The following KLHL4 variants were observed in gnomAD, a reference collection of about 807,000 sequenced individuals.
KLHL4 encodes kelch-like protein 4.
KLHL4 carries 17 observed loss-of-function variants against 45.8 expected under a neutral mutation model. The observed-to-expected ratio is 0.37, with a 90% confidence interval of 0.25 to 0.56. The LOEUF (loss-of-function observed/expected upper bound fraction) is 0.56. KLHL4 is among the 20% of genes least tolerant of loss of function. KLHL4 has a pLI of 0.79. For synonymous variants in KLHL4, 224 were observed against 189.9 expected (o/e 1.18, Z -1.47); for missense variants, 544 against 544.9 (o/e 1.00, Z 0.02).
chrX:87,619,458 C>T (rs1922675287), intron 4 of KLHL4, among the ~76,000 whole-genome samples: 2 of 111,599 alleles, frequency 1.8e-5, no homozygotes, highest in Non-Finnish European at 3.8e-5. Flanking sequence ...AATGGATTGA[C>T]ATTTTAAAAT....
At chrX:87,604,724 T>C (rs1308537349) in intron 1 of KLHL4, among the ~76,000 whole-genome samples, 1 of 111,470 alleles carries the variant, frequency 9.0e-6, no homozygotes, top group East Asian at 2.8e-4. Flanking sequence ...CATTATCTTT[T>C]CATTTTGTTA....
chrX:87,533,207 T>C (rs1226818934), intron 1 of KLHL4, among the ~76,000 whole-genome samples: 4 of 109,745 alleles, frequency 3.6e-5, no homozygotes, highest in Non-Finnish European at 7.6e-5. Flanking sequence ...TTACTGGGTA[T>C]ATACCCGAAG....
chrX:87,663,895 A>G lies in KLHL4; in HGVS notation c.1926-869A>G, dbSNP rs770874689. Among the ~76,000 whole-genome samples the G allele has an allele frequency of 3.6e-5, 4 of 112,037 alleles. No individual in the cohort carries two copies. In the South Asian group the frequency reaches 1.5e-3, roughly 41 times the overall value. ...GATACAAACAGTGGTCAGAGGGGGT[A>G]ATACAAATATATCAGTGGAAAGTGA... On this transcript the variant is annotated intron_variant, in intron 9 of 10. Coordinates refer to ENST00000373119, the MANE Select transcript of KLHL4 (RefSeq NM_019117.5).
At chrX:87,541,857 G>A (rs1442745662) in intron 1 of KLHL4, among the ~76,000 whole-genome samples, 2 of 111,458 alleles carry the variant, frequency 1.8e-5, no homozygotes, top group Admixed American at 1.9e-4. Context: ...GGAAGGTTTG[G>A]AACTTCCTAG....
At chrX:87,601,079 T>A (rs1228436622) in intron 1 of KLHL4, among the ~76,000 whole-genome samples, 1 of 111,746 alleles carries the variant, frequency 8.9e-6, no homozygotes, top group Non-Finnish European at 1.9e-5. Context: ...TCCATACAGG[T>A]CTACAGCAAC....
intron 1 of KLHL4, 128 bp downstream of exon 1, chrX:87,518,443 T>G: frequency 1.7e-6 from 1 of 575,637 alleles, no homozygotes; most frequent in Non-Finnish European, 2.7e-6. Context: ...AATCAGAGTC[T>G]CTCAGAAACC....
At chrX:87,655,125 C>T (rs1038841069) in intron 9 of KLHL4, among the ~76,000 whole-genome samples, 1 of 111,622 alleles carries the variant, frequency 9.0e-6, no homozygotes, top group African/African-American at 3.3e-5. Context: ...TCGATTCTTT[C>T]CATGGCCATG....
chrX:87,664,998 T>C, intron 10 of KLHL4, 63 bp downstream of exon 10: 1 of 761,942 alleles, frequency 1.3e-6, no homozygotes, highest in Non-Finnish European at 1.9e-6. Context: ...TATTAAATTA[T>C]ATTTTTGAAA....
chrX:87,588,927 A>C (rs753371656), intron 1 of KLHL4, among the ~76,000 whole-genome samples: 11 of 111,843 alleles, frequency 9.8e-5, no homozygotes, highest in African/African-American at 1.3e-4. Flanking sequence ...ACAGAATGGG[A>C]GAGAATATTT....
At chrX:87,542,701 C>G (rs1321048697) in intron 1 of KLHL4, among the ~76,000 whole-genome samples, 5 of 111,890 alleles carry the variant, frequency 4.5e-5, no homozygotes, top group Non-Finnish European at 7.5e-5. Context: ...AAGTAAATAA[C>G]TTGCTTTTGA....
At chrX:87,620,578 C>T (rs755127196) in intron 4 of KLHL4, among the ~76,000 whole-genome samples, 5 of 111,922 alleles carry the variant, frequency 4.5e-5, no homozygotes, top group Admixed American at 3.8e-4. Context: ...AATATTAATG[C>T]AGTTTCAGAG....
chrX:87,564,822 G>A (rs1378466978), intron 1 of KLHL4, among the ~76,000 whole-genome samples: 1 of 111,569 alleles, frequency 9.0e-6, no homozygotes, highest in Admixed American at 9.5e-5. Flanking sequence ...AAGACCAAAT[G>A]GACATACATA....
chrX:87,601,045 C>A (rs2147805746), intron 1 of KLHL4, among the ~76,000 whole-genome samples: 1 of 111,435 alleles, frequency 9.0e-6, no homozygotes, highest in Admixed American at 9.6e-5. Flanking sequence ...AGTCGCAGCA[C>A]CGAAGTATGT....
At chrX:87,565,078 C>G (rs1284290704) in intron 1 of KLHL4, among the ~76,000 whole-genome samples, 3 of 111,668 alleles carry the variant, frequency 2.7e-5, no homozygotes, top group Admixed American at 1.9e-4. Flanking sequence ...AATGGGTGAA[C>G]AAAGAAACCA....
rs932596986 is a variant in KLHL4 at position 87,668,125 on chromosome X, A to G, written c.*1591A>G. Reference sequence around the variant, plus strand: ...CAGTTCTAGAGGTGAAGATAGAGACATAGAGAGGCTGTGAAACACACATAC... The same window carrying G: ...CAGTTCTAGAGGTGAAGATAGAGACGTAGAGAGGCTGTGAAACACACATAC... On this transcript the variant is annotated 3_prime_UTR_variant, in exon 11 of 11. Transcript: ENST00000373119. 1.3e-6 allele frequency: 1 copy of G among 751,091 alleles called. No homozygotes were observed. The highest frequency in any genetic ancestry group is 2.3e-5 in the African/African-American group (1 of 43,326). The allele number at this position is 751,091 out of a possible 1,213,427, so 61.9% of individuals were successfully genotyped here.
chrX:87,639,025 A>G lies in KLHL4; in HGVS notation c.1925+3250A>G, dbSNP rs1317617787. 3.6e-5 allele frequency among the ~76,000 whole-genome samples: 4 copies of G among 111,684 alleles called. No individual in the cohort carries two copies. In the East Asian group the frequency reaches 1.1e-3, roughly 31 times the overall value. ...AAGATAGTCCGTGAAAATGGACACA[A>G]AAAAATGAGCAGGAATAGCTATTCT... is the stretch of plus-strand genomic sequence containing the variant. On this transcript the variant is annotated intron_variant, in intron 9 of 10. Coordinates refer to ENST00000373119, the MANE Select transcript of KLHL4 (RefSeq NM_019117.5).
chrX:87,560,706 T>A (rs1318178954), intron 1 of KLHL4, among the ~76,000 whole-genome samples: 1 of 111,883 alleles, frequency 8.9e-6, no homozygotes, highest in Non-Finnish European at 1.9e-5. Flanking sequence ...ATGTAGCATA[T>A]CTTGCTGTGA....
intron 1 of KLHL4, among the ~76,000 whole-genome samples, chrX:87,581,940 A>G (rs1329765028): frequency 8.9e-6 from 1 of 112,145 alleles, no homozygotes; most frequent in Non-Finnish European, 1.9e-5. Context: ...TTGTAACTCA[A>G]TGCAAAGAAG....
At position 87,530,304 on chromosome X, in the gene KLHL4, T is replaced by C. The variant is rs186922829; in HGVS notation, c.422+11989T>C. Among the ~76,000 whole-genome samples the C allele has an allele frequency of 4.5e-4, 49 of 108,418 alleles. 1 individual carries two copies. In the East Asian group the frequency reaches 0.013, roughly 28 times the overall value. 94.1% of individuals were successfully genotyped at this position (108,418 alleles called of 115,157 possible). On this transcript the variant is annotated intron_variant, in intron 1 of 10. Transcript: ENST00000373119. Reference sequence around the variant, plus strand: ...TTTTATTATACTTTAAGTTTTAGGGTACATGTGCACATTGTGCAGGTTAGT... The same window carrying C: ...TTTTATTATACTTTAAGTTTTAGGGCACATGTGCACATTGTGCAGGTTAGT...
Sources: gnomAD v4.1 joint callset for allele counts (sites outside exome capture counted in the v4.1 genomes callset) on GRCh38, gnomAD v4.1.1 for gene constraint, MANE v1.5 for transcripts, NCBI Gene and HGNC (gene_info 2026-07-23, HGNC 2026-07-21) for gene names.